Variants in EARS2 observed in about 807,000 individuals in gnomAD.
The protein encoded by EARS2 is nondiscriminating glutamyl-tRNA synthetase EARS2, mitochondrial.
A neutral mutation model predicts 54.1 loss-of-function variants in EARS2; 50 were observed. That is an observed-to-expected ratio of 0.92 (90% CI 0.74 to 1.17). EARS2 has a LOEUF of 1.17. EARS2 is among the 50% of genes most tolerant of loss of function. The pLI, the probability that EARS2 is intolerant of heterozygous loss-of-function variation, is 0.00. For synonymous variants in EARS2, 298 were observed against 281.0 expected (o/e 1.06, Z -0.61); for missense variants, 673 against 675.0 (o/e 1.00, Z 0.03).
At chr16:23,533,044 TG>T (rs778064496) in intron 4 of EARS2, among the ~76,000 whole-genome samples, 2 of 152,164 alleles carry the variant, frequency 1.3e-5, no homozygotes, top group Non-Finnish European at 2.9e-5. Context: ...ACCAGCATTT[TG>T]GGAGGCAGAG....
In EARS2 at chr16:23,555,509, TTG is replaced by T. The variant is rs144361948; in HGVS notation, c.139+1694_139+1695del. On this transcript the variant is annotated intron_variant, in intron 1 of 8. Transcript: ENST00000449606. ...CCTGTCTCAAAATAACAATAATAATTTGCACATCTAGTAAGTTACACATCTAA... is the reference window on the plus strand; with the variant it reads ...CCTGTCTCAAAATAACAATAATAATTCACATCTAGTAAGTTACACATCTAA... Among the ~76,000 whole-genome samples the T allele has an allele frequency of 5.3e-3, 811 of 151,970 alleles. 6 individuals carry two copies. The highest frequency in any genetic ancestry group is 0.037 in the Middle Eastern group (11 of 294).
chr16:23,544,832 T>A, intron 2 of EARS2, 129 bp from the exon 3 acceptor site: 3 of 868,518 alleles, frequency 3.5e-6, no homozygotes, highest in Non-Finnish European at 5.1e-6. Context: ...ATTAGTACAA[T>A]GTCCTCCCCG....
Position 23,535,290 on chromosome 16 carries a change from C to G in EARS2, c.556G>C (p.Ala186Pro). Reference sequence around the variant, plus strand: ...ACCTGCTCCAGGCGGAAGCGGATCGCAGGCTTGGGGTCCTTGGCCAGCTTC... The same window carrying G: ...ACCTGCTCCAGGCGGAAGCGGATCGGAGGCTTGGGGTCCTTGGCCAGCTTC... ...AQKLAKDPKP[A>P]IRFRLEQVVP... is the part of the protein sequence containing the mutation. Residue 186 changes from alanine to proline, a missense_variant, in exon 4 of 9, where the codon GCG becomes CCG. Around this residue, in one of 3 missense-constraint regions of EARS2, gnomAD observed 316 missense variants for 275.2 expected, o/e 1.15. Coordinates refer to ENST00000449606, the MANE Select transcript of EARS2 (RefSeq NM_001083614.2). The G allele has an allele frequency of 6.2e-7, 1 of 1,606,394 alleles. No individual in the cohort carries two copies. The highest frequency in any genetic ancestry group is 8.5e-7 in the Non-Finnish European group (1 of 1,179,970).
chr16:23,545,814 TCAC>T (rs1417218123), intron 2 of EARS2, among the ~76,000 whole-genome samples: 1 of 152,100 alleles, frequency 6.6e-6, no homozygotes. Context: ...CAGGTGCACA[TCAC>T]CACATCTGGC....
chr16:23,541,957 C>G (rs1180197134), intron 3 of EARS2, among the ~76,000 whole-genome samples: 1 of 151,858 alleles, frequency 6.6e-6, no homozygotes, highest in Non-Finnish European at 1.5e-5. Context: ...CTCCCAGGTT[C>G]AAATTATTCT....
chr16:23,536,391 C>T (rs1302897547), intron 3 of EARS2, among the ~76,000 whole-genome samples: 5 of 152,126 alleles, frequency 3.3e-5, no homozygotes, highest in Non-Finnish European at 7.3e-5. Flanking sequence ...GACAGCCTGA[C>T]CTCAAGGGTT....
At chr16:23,541,593 G>A (rs959173682) in intron 3 of EARS2, among the ~76,000 whole-genome samples, 1 of 152,112 alleles carries the variant, frequency 6.6e-6, no homozygotes, top group African/African-American at 2.4e-5. Context: ...TGTCTCTGGA[G>A]GAGACATAAG....
At chr16:23,539,513 T>C (rs1436625387) in intron 3 of EARS2, among the ~76,000 whole-genome samples, 3 of 152,212 alleles carry the variant, frequency 2.0e-5, no homozygotes, top group Non-Finnish European at 4.4e-5. Flanking sequence ...TACCTTACTG[T>C]TTAGTCCACA....
intron 7 of EARS2, among the ~76,000 whole-genome samples, chr16:23,527,229 A>AT (rs1316556400): frequency 1.3e-5 from 2 of 152,062 alleles, no homozygotes; most frequent in Non-Finnish European, 2.9e-5. Context: ...CCCTCCCAGA[A>AT]TACTGGGATT....
At chr16:23,555,519 A>G (rs1361466827) in intron 1 of EARS2, among the ~76,000 whole-genome samples, 2 of 152,190 alleles carry the variant, frequency 1.3e-5, no homozygotes, top group Non-Finnish European at 2.9e-5. Context: ...TTGCACATCT[A>G]GTAAGTTACA....
At chr16:23,551,398 T>C (rs893907100) in intron 2 of EARS2, among the ~76,000 whole-genome samples, 5 of 152,118 alleles carry the variant, frequency 3.3e-5, no homozygotes, top group Non-Finnish European at 7.3e-5. Flanking sequence ...GGAGGATTGC[T>C]TGAGCCCAGG....
In EARS2 at chr16:23,524,239, CAG is replaced by C; in HGVS notation, c.*130_*131del. ...GATCACAAATGCACTTGTGTGCAGT[CAG>C]AGATTGTTTCCACTCTTAGTTCCTT... On this transcript the variant is annotated 3_prime_UTR_variant, in exon 9 of 9. Coordinates refer to ENST00000449606, the MANE Select transcript of EARS2 (RefSeq NM_001083614.2). The C allele has an allele frequency of 1.3e-6, 1 of 777,770 alleles. No individual in the cohort carries two copies. Among genetic ancestry groups the C allele is most frequent in the Admixed American group, 2.0e-5 (1 of 49,000 alleles). 48.2% of individuals were successfully genotyped at this position (777,770 alleles called of 1,614,324 possible). A position where few individuals can be genotyped will look rare whatever the true frequency, so the allele number is the denominator to read the frequency against.
At chr16:23,525,421 T>C in intron 7 of EARS2, 42 bp from the exon 8 acceptor site, 1 of 1,584,546 alleles carries the variant, frequency 6.3e-7, no homozygotes, top group South Asian at 1.2e-5. Flanking sequence ...CATGGGCCAA[T>C]GGCAAGTGGG....
At chr16:23,528,194 C>T (rs903248311) in intron 7 of EARS2, among the ~76,000 whole-genome samples, 3 of 152,180 alleles carry the variant, frequency 2.0e-5, no homozygotes, top group Non-Finnish European at 2.9e-5. Context: ...GTTGAAGCCA[C>T]CAGTCTATGT....
chr16:23,531,188 C>T (rs1030957862), intron 5 of EARS2, among the ~76,000 whole-genome samples: 3 of 151,972 alleles, frequency 2.0e-5, no homozygotes, highest in Admixed American at 6.6e-5. Context: ...TGAGCCACCG[C>T]GCCCAGCCTA....
At position 23,524,332 on chromosome 16, in the gene EARS2, G is replaced by T; in HGVS notation, c.*39C>A. ...CTGAAAGCTGTTTCTAAGCTCACAGGTTCTTAGGGCGATCTCCACTGCCCG... is the reference window on the plus strand; with the variant it reads ...CTGAAAGCTGTTTCTAAGCTCACAGTTTCTTAGGGCGATCTCCACTGCCCG... On this transcript the variant is annotated 3_prime_UTR_variant, in exon 9 of 9. Coordinates refer to ENST00000449606, the MANE Select transcript of EARS2 (RefSeq NM_001083614.2). The T allele has an allele frequency of 6.3e-7, 1 of 1,577,306 alleles. No homozygotes were observed. Among genetic ancestry groups the T allele is most frequent in the Non-Finnish European group, 8.7e-7 (1 of 1,146,596 alleles).
At chr16:23,555,343 T>A (rs1300709070) in intron 1 of EARS2, among the ~76,000 whole-genome samples, 1 of 152,082 alleles carries the variant, frequency 6.6e-6, no homozygotes, top group Non-Finnish European at 1.5e-5. Context: ...AAAAATTAGC[T>A]GGGCGTAGTG....
Position 23,552,158 on chromosome 16 carries a change from C to A in EARS2, c.286G>T (p.Glu96Ter). 6.2e-7 allele frequency: 1 copy of A among 1,613,842 alleles called. No individual in the cohort carries two copies. The change falls in exon 2 of 9, where the codon GAG becomes TAG. Residue 96 changes from glutamate to a stop codon, truncating the protein, a stop_gained. Coordinates refer to ENST00000449606, the MANE Select transcript of EARS2 (RefSeq NM_001083614.2). LOFTEE classifies it high-confidence loss of function. ...TCTCTGCCAGGCTTACCTGCCCACT[C>A]CAGCATGTCCTCAATATTCTCCGCT... is the stretch of plus-strand genomic sequence containing the variant. The part of the protein sequence containing the change: ...GAAENIEDML[E>*]WAGIPPDESP...
chr16:23,535,215 C>T lies in EARS2; in HGVS notation c.631G>A (p.Ala211Thr), dbSNP rs1462031366. The T allele has an allele frequency of 6.2e-7, 1 of 1,613,606 alleles. No individual in the cohort carries two copies. Among genetic ancestry groups the T allele is most frequent in the Non-Finnish European group, 8.5e-7 (1 of 1,180,054 alleles). ...ATGACTGGGTCTCCCTCCACGCTGG[C>T]CACTTCATGCCTATTCCAGCCATAG... ...LVYGWNRHEV[A>T]SVEGDPVIMK... The change falls in exon 4 of 9, where the codon GCC (alanine) becomes ACC (threonine). Residue 211 changes from alanine (A) to threonine (T), a missense_variant. By Grantham distance (58) the Ala-to-Thr change is moderately conservative (BLOSUM62 0). This residue lies in a region of EARS2 where 19 missense variants were observed against 38.7 expected (regional missense o/e 0.49). Transcript: ENST00000449606.
Sources: allele counts gnomAD v4.1 joint callset (sites outside exome capture counted in the v4.1 genomes callset), GRCh38; gene constraint gnomAD v4.1.1; regional missense constraint gnomAD v4.1.1; transcripts MANE v1.5; gene names NCBI Gene and HGNC (gene_info 2026-07-23, HGNC 2026-07-21).